ADAMTS16: variants seen among roughly 807,000 people sequenced by gnomAD.
ADAMTS16 encodes A disintegrin and metalloproteinase with thrombospondin motifs 16.
In ADAMTS16, 94 loss-of-function variants were observed where a neutral mutation model predicts 145.8. The observed-to-expected ratio is 0.64, with a 90% CI of 0.55 to 0.77. ADAMTS16 has a LOEUF of 0.77. ADAMTS16 is among the 30% of genes least tolerant of loss of function. The pLI is 0.00. For synonymous variants in ADAMTS16, 659 were observed against 604.3 expected (o/e 1.09, Z -1.33); for missense variants, 1,585 against 1,591.5 (o/e 1.00, Z 0.07).
At chr5:5,265,983 G>A (rs1027938323) in intron 18 of ADAMTS16, among the ~76,000 whole-genome samples, 8 of 120,548 alleles carry the variant, frequency 6.6e-5, no homozygotes, top group African/African-American at 1.3e-4. Flanking sequence ...TAGACTTAAA[G>A]AAGTGTGTGT....
chr5:5,302,181 C>T (rs1235594676), intron 18 of ADAMTS16, among the ~76,000 whole-genome samples: 1 of 152,208 alleles, frequency 6.6e-6, no homozygotes, highest in African/African-American at 2.4e-5. Flanking sequence ...GGTAGACACA[C>T]TCAGGCACAG....
intron 17 of ADAMTS16, among the ~76,000 whole-genome samples, chr5:5,255,287 C>T (rs1382192655): frequency 6.6e-6 from 1 of 152,066 alleles, no homozygotes; most frequent in African/African-American, 2.4e-5. Flanking sequence ...AGAAACCTTT[C>T]TAGGTATTTC....
In ADAMTS16 at chr5:5,303,184, C is replaced by T. The variant is rs1579401900; in HGVS notation, c.2790-84C>T. 2.9e-6 allele frequency: 4 copies of T among 1,378,748 alleles called. No individual in the cohort carries two copies. The African/African-American group carries it at 4.4e-5, about 15-fold the overall frequency. 85.4% of individuals were successfully genotyped at this position (1,378,748 alleles called of 1,614,324 possible). On this transcript the variant is annotated intron_variant, in intron 18 of 22. Coordinates refer to ENST00000274181, the MANE Select transcript of ADAMTS16 (RefSeq NM_139056.4). The stretch of plus-strand genomic sequence containing the variant: ...ACACGACCGTGGCTGGGAAATCGCG[C>T]CGCTGCCTCCACATCAGATGTGGGG...
intron 10 of ADAMTS16, among the ~76,000 whole-genome samples, chr5:5,211,078 A>G (rs562111777): frequency 5.9e-5 from 9 of 152,316 alleles, no homozygotes; most frequent in African/African-American, 2.2e-4. Flanking sequence ...AGAATTGATT[A>G]TCAGAGTTGT....
chr5:5,183,401 AG>A (rs1471032986), intron 4 of ADAMTS16, among the ~76,000 whole-genome samples: 1 of 152,216 alleles, frequency 6.6e-6, no homozygotes, highest in African/African-American at 2.4e-5. Flanking sequence ...TGCGTGGCGG[AG>A]GCTTCCCCAA....
At chr5:5,157,181 G>C (rs944054504) in intron 3 of ADAMTS16, among the ~76,000 whole-genome samples, 4 of 151,234 alleles carry the variant, frequency 2.6e-5, no homozygotes, top group Non-Finnish European at 5.9e-5. Context: ...AGCAAAATCA[G>C]TGCTAATTTT....
intron 2 of ADAMTS16, chr5:5,142,016 C>A (rs1734182246): frequency 6.7e-6 from 1 of 149,630 alleles, no homozygotes; most frequent in Admixed American, 6.7e-5. Flanking sequence ...TTAATTCTTA[C>A]AATTTTAAAG....
intron 17 of ADAMTS16, among the ~76,000 whole-genome samples, chr5:5,252,008 G>A (rs1038131331): frequency 6.6e-6 from 1 of 152,238 alleles, no homozygotes; most frequent in South Asian, 2.1e-4. Flanking sequence ...CCGCCACCAC[G>A]CCCGGCTACT....
chr5:5,305,904 C>T (rs1187197651), intron 20 of ADAMTS16, among the ~76,000 whole-genome samples: 1 of 152,234 alleles, frequency 6.6e-6, no homozygotes, highest in Non-Finnish European at 1.5e-5. Flanking sequence ...GTGGGGGCTG[C>T]AGCCTCCTGC....
chr5:5,182,226 G>A lies in ADAMTS16; in HGVS notation c.684G>A (p.Leu228=), dbSNP rs757661115. The change falls in exon 4 of 23, where the codon CTG becomes CTA. Residue 228 remains leucine, a synonymous_variant. Transcript: ENST00000274181. ...EVLVTSRTWE[L]AHQPLHSSDL... ...TGGTGACCTCAAGGACATGGGAGCT[G>A]GCACATCAACCCCTGCACAGCAGCG... 1.9e-6 allele frequency: 3 copies of A among 1,614,182 alleles called. No individual in the cohort carries two copies. The highest frequency in any genetic ancestry group is 1.7e-6 in the Non-Finnish European group (2 of 1,180,038).
At chr5:5,311,474 C>T (rs549002298) in intron 21 of ADAMTS16, among the ~76,000 whole-genome samples, 3 of 151,888 alleles carry the variant, frequency 2.0e-5, no homozygotes, top group East Asian at 1.9e-4. Flanking sequence ...CCAAATGACA[C>T]GACCCTTCAC....
chr5:5,176,920 G>A (rs1052435541), intron 3 of ADAMTS16, among the ~76,000 whole-genome samples: 2 of 152,042 alleles, frequency 1.3e-5, no homozygotes, highest in African/African-American at 2.4e-5. Flanking sequence ...TCTGCTGCTG[G>A]GATGTTTATT....
intron 18 of ADAMTS16, among the ~76,000 whole-genome samples, chr5:5,300,370 T>G (rs1430737737): frequency 6.6e-6 from 1 of 152,006 alleles, no homozygotes; most frequent in Non-Finnish European, 1.5e-5. Flanking sequence ...GTATGTAATT[T>G]AGGTGGCTTA....
chr5:5,250,051 C>T (rs899806181), intron 17 of ADAMTS16, among the ~76,000 whole-genome samples: 3 of 152,126 alleles, frequency 2.0e-5, no homozygotes, highest in South Asian at 2.1e-4. Context: ...TTCTCTCTTC[C>T]GTGTATGTGT....
intron 3 of ADAMTS16, among the ~76,000 whole-genome samples, chr5:5,175,486 C>T (rs1735167445): frequency 6.6e-6 from 1 of 152,166 alleles, no homozygotes; most frequent in African/African-American, 2.4e-5. Context: ...AGGGCTAACA[C>T]ACTCACTCCC....
intron 10 of ADAMTS16, among the ~76,000 whole-genome samples, chr5:5,220,067 A>G (rs1241432110): frequency 1.3e-5 from 2 of 152,052 alleles, no homozygotes; most frequent in East Asian, 1.9e-4. Context: ...AAATGACTAC[A>G]TGTTCCATGT....
At chr5:5,247,616 G>A (rs879540114) in intron 17 of ADAMTS16, among the ~76,000 whole-genome samples, 2 of 152,180 alleles carry the variant, frequency 1.3e-5, no homozygotes, top group South Asian at 2.1e-4. Flanking sequence ...TCCCTCCCAC[G>A]TTCCCACTAC....
At chr5:5,147,031 A>G (rs1734317544) in intron 3 of ADAMTS16, among the ~76,000 whole-genome samples, 1 of 152,190 alleles carries the variant, frequency 6.6e-6, no homozygotes. Flanking sequence ...TTGGAATGGC[A>G]CATCACTTCA....
At chr5:5,289,454 T>G (rs561503114) in intron 18 of ADAMTS16, among the ~76,000 whole-genome samples, 1 of 152,238 alleles carries the variant, frequency 6.6e-6, no homozygotes, top group African/African-American at 2.4e-5. Flanking sequence ...TGTTGTTTCA[T>G]TGTTAACATT....
Sources: gnomAD v4.1 joint callset for allele counts (sites outside exome capture counted in the v4.1 genomes callset) on GRCh38, gnomAD v4.1.1 for gene constraint, MANE v1.5 for transcripts, NCBI Gene and HGNC (gene_info 2026-07-23, HGNC 2026-07-21) for gene names.